Variants in SRD5A3 observed in about 807,000 individuals in gnomAD.
SRD5A3 encodes the protein polyprenal reductase.
Under a neutral mutation model 34.3 loss-of-function variants are expected in SRD5A3, and 24 were observed. The ratio of observed to expected loss-of-function variants is 0.70; its 90% CI spans 0.51 to 0.99. The LOEUF is 0.99. SRD5A3 is among the 50% of genes least tolerant of loss of function. The pLI is 0.00. For missense variants in SRD5A3, 350 were observed against 388.2 expected (o/e 0.90, Z 0.83); for synonymous variants, 161 against 167.3 (o/e 0.96, Z 0.29).
chr4:55,354,053 A>G (rs1452165352), intron 1 of SRD5A3, among the ~76,000 whole-genome samples: 7 of 152,128 alleles, frequency 4.6e-5, no homozygotes, highest in Admixed American at 2.6e-4. Context: ...TCTTAACCCC[A>G]TAACACCTGG....
intron 1 of SRD5A3, 69 bp from the exon 2 acceptor site, chr4:55,359,277 T>C: frequency 6.2e-7 from 1 of 1,600,798 alleles, no homozygotes; most frequent in South Asian, 1.1e-5. Flanking sequence ...AAACTAAAAA[T>C]AATCTTCCCG....
chr4:55,368,073 T>C lies in SRD5A3; in HGVS notation c.697+351T>C, dbSNP rs371843953. ...ACAGGTATAGTTTCCATTAGGTTTT[T>C]TGAAATATTAAAAATTGAATAGGCC... On this transcript the variant is annotated intron_variant, in intron 4 of 4. Transcript: ENST00000264228. 1.8e-4 allele frequency among the ~76,000 whole-genome samples: 28 copies of C among 152,296 alleles called. No homozygotes were observed. The East Asian group carries it at 3.5e-3, about 19-fold the overall frequency.
At position 55,359,161 on chromosome 4, in the gene SRD5A3, C is replaced by T. The variant is rs1008524565; in HGVS notation, c.222-185C>T. 1.1e-4 allele frequency: 77 copies of T among 711,994 alleles called. 1 individual carries two copies. The highest frequency in any genetic ancestry group is 1.9e-5 in the Non-Finnish European group (8 of 431,010). The allele number at this position is 711,994 out of a possible 1,614,324, so 44.1% of individuals were successfully genotyped here. On this transcript the variant is annotated intron_variant, in intron 1 of 4. Transcript: ENST00000264228. ...CTCTTTTTCCTGAAAGTTAACTGGT[C>T]CCGTTATTTGAAAGGAAATTTTAAG... is the stretch of plus-strand genomic sequence containing the variant.
rs1560365867 is a variant in SRD5A3 at position 55,351,750 on chromosome 4, AATG to A, written c.221+5195_221+5197del. 1.1e-5 allele frequency: 5 copies of A among 445,224 alleles called. No individual in the cohort carries two copies. In the East Asian group the frequency reaches 2.2e-4, roughly 20 times the overall value. The allele number at this position is 445,224 out of a possible 1,614,324, so 27.6% of individuals were successfully genotyped here. On this transcript the variant is annotated intron_variant, in intron 1 of 4. Coordinates refer to ENST00000264228, the MANE Select transcript of SRD5A3 (RefSeq NM_024592.5). The stretch of plus-strand genomic sequence containing the variant: ...TAATAATTCATGCTCTTGCATGTGT[AATG>A]AACTGGCAGCAAGAGAAAGCTGGTT...
chr4:55,353,607 G>A (rs765065113), intron 1 of SRD5A3, among the ~76,000 whole-genome samples: 1 of 152,184 alleles, frequency 6.6e-6, no homozygotes, highest in African/African-American at 2.4e-5. Context: ...CTCACTCTTT[G>A]GGTCTGCACT....
chr4:55,351,067 C>T (rs1303406765), intron 1 of SRD5A3, among the ~76,000 whole-genome samples: 1 of 150,612 alleles, frequency 6.6e-6, no homozygotes, highest in South Asian at 2.1e-4. Context: ...TGTGCCTGGC[C>T]TAAATTTTTT....
In SRD5A3 at chr4:55,359,353, T is replaced by C; in HGVS notation, c.229T>C (p.Ser77Pro). The C allele has an allele frequency of 9.3e-6, 15 of 1,614,172 alleles. No individual in the cohort carries two copies. The highest frequency in any genetic ancestry group is 1.3e-5 in the African/African-American group (1 of 75,060). ...RAFDVPKRYFSHFYIISVLWN... is the reference protein window; with the variant it reads ...RAFDVPKRYFPHFYIISVLWN... The stretch of plus-strand genomic sequence containing the variant: ...CTTGTTTTCCTTTTGCAGATATTTT[T>C]CCCACTTTTATATCATCTCAGTGCT... Residue 77 changes from serine (S) to proline (P), a missense_variant, in exon 2 of 5, where the codon TCC becomes CCC. Transcript: ENST00000264228.
At chr4:55,354,518 C>T (rs11733128) in intron 1 of SRD5A3, among the ~76,000 whole-genome samples, 29,558 of 152,182 alleles carry the variant, frequency 0.19, 3,126 homozygotes, top group African/African-American at 0.23. Context: ...CTGACTTTGT[C>T]TCTAGTTTGC....
chr4:55,365,002 AG>A (rs1560372319), intron 3 of SRD5A3: 1 of 153,114 alleles, frequency 6.5e-6, no homozygotes. Context: ...TGGGGGGAGG[AG>A]GGGACATTAC....
intron 1 of SRD5A3, among the ~76,000 whole-genome samples, chr4:55,358,535 CAAAAAAAAAA>C (rs576702969): frequency 5.4e-4 from 61 of 112,762 alleles, no homozygotes; most frequent in African/African-American, 1.7e-3. Flanking sequence ...GACCCTGTCT[CAAAAAAAAAA>C]AAAAAAAAAA....
chr4:55,353,813 G>A (rs1578202978), intron 1 of SRD5A3, among the ~76,000 whole-genome samples: 1 of 152,226 alleles, frequency 6.6e-6, no homozygotes, highest in Non-Finnish European at 1.5e-5. Context: ...AGAAACTCCA[G>A]ACACATCTGA....
chr4:55,361,423 A>G (rs1455788978), intron 2 of SRD5A3, among the ~76,000 whole-genome samples: 2 of 149,860 alleles, frequency 1.3e-5, no homozygotes, highest in African/African-American at 2.5e-5. Flanking sequence ...CAGAGGTTGC[A>G]GTGAGCCAAG....
At position 55,364,263 on chromosome 4, in the gene SRD5A3, G is replaced by C. The variant is rs771495877; in HGVS notation, c.554G>C (p.Gly185Ala). The change falls in exon 3 of 5, where the codon GGC becomes GCC. Residue 185 changes from glycine to alanine, a missense_variant. Gly to Ala is a moderately conservative substitution (Grantham distance 60). This residue lies in a region of SRD5A3 where 186 missense variants were observed against 221.4 expected (regional missense o/e 0.84). Coordinates refer to ENST00000264228, the MANE Select transcript of SRD5A3 (RefSeq NM_024592.5). ...LTVLSQVPMD[G>A]RNAYITGKNL... ...GTGCTGAGCCAAGTGCCAATGGATG[G>C]CAGGAATGGTGAGTGGATCCAGCCC... 1 of 1,614,114 alleles carries C rather than the reference G, an allele frequency of 6.2e-7. No homozygotes were observed. The highest frequency in any genetic ancestry group is 8.5e-7 in the Non-Finnish European group (1 of 1,180,038).
At chr4:55,359,540 T>G (rs1719599733) in intron 2 of SRD5A3, 52 bp downstream of exon 2, 3 of 1,612,108 alleles carry the variant, frequency 1.9e-6, no homozygotes, top group Non-Finnish European at 2.5e-6. Context: ...CTGTTGTTCC[T>G]GTCTGCAAGG....
At chr4:55,351,672 G>T (rs1482139442) in intron 1 of SRD5A3, 12 of 280,942 alleles carry the variant, frequency 4.3e-5, no homozygotes, top group Non-Finnish European at 7.7e-5. Flanking sequence ...AAAAAAAGGG[G>T]TGAGCATATT....
intron 1 of SRD5A3, among the ~76,000 whole-genome samples, chr4:55,358,535 C>A (rs938867247): frequency 4.2e-4 from 47 of 112,754 alleles, no homozygotes; most frequent in South Asian, 1.4e-3. Flanking sequence ...GACCCTGTCT[C>A]AAAAAAAAAA....
Position 55,372,791 on chromosome 4 carries a change from A to G in SRD5A3, c.*2700A>G, listed in dbSNP as rs1472563053. The G allele has an allele frequency of 6.6e-6, 1 of 152,148 alleles. No individual in the cohort carries two copies. Among genetic ancestry groups the G allele is most frequent in the Non-Finnish European group, 1.5e-5 (1 of 68,024 alleles). The allele number at this position is 152,148 out of a possible 1,614,324, so 9.4% of individuals were successfully genotyped here. On this transcript the variant is annotated 3_prime_UTR_variant, in exon 5 of 5. Transcript: ENST00000264228. The stretch of plus-strand genomic sequence containing the variant: ...GCCTTCCCTTGATTAACTACTGACT[A>G]AAAGTGTGCTGAAAATGGCCTTTGT...
At chr4:55,359,249 G>A in intron 1 of SRD5A3, 97 bp from the exon 2 acceptor site, 2 of 1,504,346 alleles carry the variant, frequency 1.3e-6, no homozygotes, top group Non-Finnish European at 9.2e-7. Context: ...GGGAATGGAG[G>A]GGTGGGGAAA....
At chr4:55,366,894 G>T (rs1719920032) in intron 3 of SRD5A3, 4 of 152,608 alleles carry the variant, frequency 2.6e-5, no homozygotes, top group Admixed American at 2.6e-4. Flanking sequence ...CTTCCTAGCA[G>T]CCGGAGAAGA....
Sources: allele counts gnomAD v4.1 joint callset (sites outside exome capture counted in the v4.1 genomes callset), GRCh38; gene constraint gnomAD v4.1.1; regional missense constraint gnomAD v4.1.1; transcripts MANE v1.5; gene names NCBI Gene and HGNC (gene_info 2026-07-23, HGNC 2026-07-21).